The following OXNAD1 variants were observed in gnomAD, a reference collection of about 807,000 sequenced individuals.
OXNAD1 encodes oxidoreductase NAD binding domain containing 1.
Under a neutral mutation model 32.9 loss-of-function variants are expected in OXNAD1, and 34 were observed. That is an observed-to-expected ratio of 1.03 (90% CI 0.79 to 1.38). OXNAD1 has a LOEUF of 1.38. OXNAD1 is among the 40% of genes most tolerant of loss of function. The pLI, the probability that OXNAD1 is intolerant of heterozygous loss-of-function variation, is 0.00. For missense variants in OXNAD1, 407 were observed against 379.4 expected (o/e 1.07, Z -0.60); for synonymous variants, 134 against 135.2 (o/e 0.99, Z 0.06).
At position 16,335,369 on chromosome 3, in the gene OXNAD1, A is replaced by G. The variant is rs1360544723; in HGVS notation, c.*31-1743A>G. 6.6e-6 allele frequency among the ~76,000 whole-genome samples: 1 copy of G among 152,226 alleles called. No individual in the cohort carries two copies. The highest frequency in any genetic ancestry group is 2.4e-5 in the African/African-American group (1 of 41,452). On this transcript the variant is annotated intron_variant, in intron 9 of 9. Coordinates refer to the OXNAD1 transcript ENST00000435829. This position sits in a 1 kb window ranked among gnomAD's most constrained non-coding sequence, Gnocchi z 4.7. ...AGCCCTTGGACAATCCTGCATGGGA[A>G]ACAGGCTTAAGAAGGGAGTTTGTAC...
At chr3:16,278,725 T>C (rs906817992) in intron 4 of OXNAD1, among the ~76,000 whole-genome samples, 12 of 152,350 alleles carry the variant, frequency 7.9e-5, no homozygotes, top group East Asian at 1.9e-4. Context: ...CAAGGCTTAA[T>C]TGAGCAATGT....
At position 16,287,317 on chromosome 3, in the gene OXNAD1, A is replaced by T. The variant is rs919926671; in HGVS notation, c.290+869A>T. ...GAAATGTGGTTTTGTTAGAAGGAGG[A>T]TGTGTGATAATAGCAAGTGTGATAA... On this transcript the variant is annotated intron_variant, in intron 5 of 8. Coordinates refer to ENST00000285083, the MANE Select transcript of OXNAD1 (RefSeq NM_138381.5). The surrounding 1 kb of genome is among the most constrained non-coding windows in gnomAD (Gnocchi z 4.8). Among the ~76,000 whole-genome samples the T allele has an allele frequency of 3.9e-5, 6 of 152,152 alleles. No individual in the cohort carries two copies. Among genetic ancestry groups the T allele is most frequent in the Non-Finnish European group, 7.3e-5 (5 of 68,032 alleles).
At chr3:16,352,020 CACTCA>C (rs920980600), downstream of OXNAD1, among the ~76,000 whole-genome samples, 5 of 152,234 alleles carry the variant, frequency 3.3e-5, no homozygotes, top group Admixed American at 1.3e-4. This position sits in a 1 kb window ranked among gnomAD's most constrained non-coding sequence, Gnocchi z 4.6. Context: ...CTTCAGCAGA[CACTCA>C]ACTCAAAAAG....
rs2067318000 is a variant in OXNAD1 at position 16,303,350 on chromosome 3, T to A, written c.785-58T>A. 1 of 1,579,884 alleles carries A rather than the reference T, an allele frequency of 6.3e-7. No homozygotes were observed. The highest frequency in any genetic ancestry group is 1.7e-5 in the Admixed American group (1 of 58,380). ...TATCTGAATTGTGGTTAGTCCTTCC[T>A]CATTTGCTGATACAACCATGTCTGG... On this transcript the variant is annotated intron_variant, in intron 8 of 8. Transcript: ENST00000285083. The surrounding 1 kb of genome is among the most constrained non-coding windows in gnomAD (Gnocchi z 4.8).
chr3:16,299,357 C>G lies in OXNAD1; in HGVS notation c.433-2269C>G, dbSNP rs2067019865. On this transcript the variant is annotated intron_variant, in intron 6 of 8. Coordinates refer to ENST00000285083, the MANE Select transcript of OXNAD1 (RefSeq NM_138381.5). The surrounding 1 kb of genome is among the most constrained non-coding windows in gnomAD (Gnocchi z 4.4). ...ATATTTTAAAGCACTTTGGTAGCCA[C>G]TGTAGCAGTTCCTAGATTTTAGTTA... is the stretch of plus-strand genomic sequence containing the variant. Among the ~76,000 whole-genome samples, 1 of 152,184 alleles carries G rather than the reference C, an allele frequency of 6.6e-6. No individual in the cohort carries two copies. Among genetic ancestry groups the G allele is most frequent in the South Asian group, 2.1e-4 (1 of 4,830 alleles).
chr3:16,284,100 G>T lies in OXNAD1; in HGVS notation c.184-2242G>T, dbSNP rs1024620308. ...TCTAAAATATATTCAAGACAGTATG[G>T]CTTTTACGTTTGCACTGGTAAAAAC... On this transcript the variant is annotated intron_variant, in intron 4 of 8. Transcript: ENST00000285083. The surrounding 1 kb of genome is among the most constrained non-coding windows in gnomAD (Gnocchi z 4.1). 1.3e-5 allele frequency among the ~76,000 whole-genome samples: 2 copies of T among 152,160 alleles called. No homozygotes were observed.
At chr3:16,274,140 C>T (rs842289) in intron 4 of OXNAD1, among the ~76,000 whole-genome samples, 47,407 of 148,144 alleles carry the variant, frequency 0.32, 8,471 homozygotes, top group Non-Finnish European at 0.39. Flanking sequence ...GTGCTTTCCC[C>T]CTTCCAATAA....
rs554981891 is a variant in OXNAD1, at chr3:16,276,828, C to G, written c.183+5106C>G. 5.3e-5 allele frequency among the ~76,000 whole-genome samples: 8 copies of G among 152,010 alleles called. 1 individual carries two copies. In the South Asian group the frequency reaches 1.7e-3, roughly 32 times the overall value. ...AAACTCTTGAGAATTTTAGTGCCCA[C>G]AAGTCAGAAAATTACAGGAAAATCC... On this transcript the variant is annotated intron_variant, in intron 4 of 8. Coordinates refer to ENST00000285083, the MANE Select transcript of OXNAD1 (RefSeq NM_138381.5).
rs1348302436 is a variant in OXNAD1, at chr3:16,346,441, C to CT, written c.*31-2731dup. On this transcript the variant is annotated intron_variant, in intron 9 of 9. Transcript: ENST00000606098. The surrounding 1 kb of genome is among the most constrained non-coding windows in gnomAD (Gnocchi z 4.4). ...ATAAAGATTAAAGGTCAAATACTTC[C>CT]TTTTGTCATCTCATTATCCAAACCG... 1.3e-5 allele frequency: 2 copies of CT among 152,152 alleles called. No individual in the cohort carries two copies. The highest frequency in any genetic ancestry group is 2.9e-5 in the Non-Finnish European group (2 of 68,014). The allele number at this position is 152,152 out of a possible 1,614,324, so 9.4% of individuals were successfully genotyped here.
rs370451490 is a variant in OXNAD1 at position 16,303,881 on chromosome 3, T to C, written c.*319T>C. ...TAGGCAAAAAAAAGATATATACTTA[T>C]GTCTAATCATAGGAAAATGTGATTT... On this transcript the variant is annotated 3_prime_UTR_variant, in exon 9 of 9. Coordinates refer to ENST00000285083, the MANE Select transcript of OXNAD1 (RefSeq NM_138381.5). This position sits in a 1 kb window ranked among gnomAD's most constrained non-coding sequence, Gnocchi z 4.8. The C allele has an allele frequency of 1.7e-4, 30 of 174,274 alleles. No homozygotes were observed. Among genetic ancestry groups the C allele is most frequent in the Non-Finnish European group, 2.2e-4 (18 of 82,450 alleles). The allele number at this position is 174,274 out of a possible 1,614,324, so 10.8% of individuals were successfully genotyped here.
rs2065365852 is a variant in OXNAD1, at chr3:16,276,846, G to A, written c.183+5124G>A. Among the ~76,000 whole-genome samples the A allele has an allele frequency of 2.0e-5, 3 of 151,686 alleles. No homozygotes were observed. The South Asian group carries it at 6.2e-4, about 32-fold the overall frequency. ...GTGCCCACAAGTCAGAAAATTACAG[G>A]AAAATCCAATCATGGTACTACCTTT... On this transcript the variant is annotated intron_variant, in intron 4 of 8. Transcript: ENST00000285083.
In OXNAD1 at chr3:16,288,509, CCA is replaced by C. The variant is rs904096567; in HGVS notation, c.290+2064_290+2065del. The stretch of plus-strand genomic sequence containing the variant: ...TGTCTGTGACTAGCTGGAGCTTTGG[CCA>C]CAGATCCCCATGTAGACACCTTCAG... On this transcript the variant is annotated intron_variant, in intron 5 of 8. Transcript: ENST00000285083. This position sits in a 1 kb window ranked among gnomAD's most constrained non-coding sequence, Gnocchi z 5.1. Among the ~76,000 whole-genome samples the C allele has an allele frequency of 1.2e-4, 18 of 152,160 alleles. No individual in the cohort carries two copies. The highest frequency in any genetic ancestry group is 4.3e-4 in the African/African-American group (18 of 41,448).
Position 16,344,409 on chromosome 3 carries a change from T to C in OXNAD1, c.*31-4767T>C, listed in dbSNP as rs773552684. Among the ~76,000 whole-genome samples the C allele has an allele frequency of 2.6e-4, 39 of 151,982 alleles. No homozygotes were observed. The highest frequency in any genetic ancestry group is 5.1e-4 in the Non-Finnish European group (35 of 68,004). On this transcript the variant is annotated intron_variant, in intron 9 of 9. Transcript: ENST00000606098. The surrounding 1 kb of genome is among the most constrained non-coding windows in gnomAD (Gnocchi z 4.4). The stretch of plus-strand genomic sequence containing the variant: ...TTTAGAAACAACATGTAAAAACAGA[T>C]ACATTCAGAAAAGGCGGCTCTGGTT...
Position 16,345,105 on chromosome 3 carries a change from T to G in OXNAD1, c.*31-4071T>G, listed in dbSNP as rs866691323. On this transcript the variant is annotated intron_variant, in intron 9 of 9. Coordinates refer to the OXNAD1 transcript ENST00000606098. The surrounding 1 kb of genome is among the most constrained non-coding windows in gnomAD (Gnocchi z 5.2). ...GCAACCACAAGGCCAACAACCTAAG[T>G]GAGCTTGGAAGTGGATTCTTCCCCA... 1.2e-4 allele frequency: 19 copies of G among 152,356 alleles called. No individual in the cohort carries two copies. Among genetic ancestry groups the G allele is most frequent in the African/African-American group, 4.3e-4 (18 of 41,566 alleles). The allele number at this position is 152,356 out of a possible 1,614,324, so 9.4% of individuals were successfully genotyped here.
rs551260254 is a variant in OXNAD1 at position 16,303,379 on chromosome 3, A to C, written c.785-29A>C. On this transcript the variant is annotated intron_variant, in intron 8 of 8. Transcript: ENST00000285083. The surrounding 1 kb of genome is among the most constrained non-coding windows in gnomAD (Gnocchi z 4.8). ...TTGCTGATACAACCATGTCTGGCTT[A>C]ATTTGGTGTTTATTCTGGTTTTTGG... 1.9e-6 allele frequency: 3 copies of C among 1,611,036 alleles called. No homozygotes were observed. Among genetic ancestry groups the C allele is most frequent in the South Asian group, 1.1e-5 (1 of 90,782 alleles).
At chr3:16,319,719 C>T (rs1165166876) in intron 9 of OXNAD1, among the ~76,000 whole-genome samples, 1 of 152,162 alleles carries the variant, frequency 6.6e-6, no homozygotes, top group Non-Finnish European at 1.5e-5. Flanking sequence ...AAAACGAGAA[C>T]ACAAATGGTA....
chr3:16,326,778 A>G (rs1177215283), intron 9 of OXNAD1: 3 of 1,612,762 alleles, frequency 1.9e-6, no homozygotes, highest in South Asian at 2.2e-5. Context: ...GTTACCTGGT[A>G]GTCTTGACGA....
intron 1 of OXNAD1, among the ~76,000 whole-genome samples, chr3:16,267,452 CTT>C (rs2064607406): frequency 6.6e-6 from 1 of 152,200 alleles, no homozygotes; most frequent in African/African-American, 2.4e-5. Context: ...TCATTTCACT[CTT>C]ACCAGCTTAC....
chr3:16,337,584 A>G (rs1423242059), downstream of OXNAD1, among the ~76,000 whole-genome samples: 1 of 151,936 alleles, frequency 6.6e-6, no homozygotes, highest in Non-Finnish European at 1.5e-5. The surrounding 1 kb of genome is among the most constrained non-coding windows in gnomAD (Gnocchi z 5.0). Flanking sequence ...TCTACTAAAA[A>G]TACAAAAATT....
Sources: gnomAD v4.1 joint callset for allele counts (sites outside exome capture counted in the v4.1 genomes callset) on GRCh38, gnomAD v4.1.1 for gene constraint, Gnocchi (gnomAD v3.1) non-coding constraint, MANE v1.5 for transcripts, NCBI Gene and HGNC (gene_info 2026-07-23, HGNC 2026-07-21) for gene names.